The following SULT6B1 variants were observed in gnomAD, a reference collection of about 807,000 sequenced individuals.
SULT6B1 encodes the protein sulfotransferase family 6B member 1, also known as sulfotransferase 6B1.
Under a neutral mutation model 37.2 loss-of-function variants are expected in SULT6B1, and 44 were observed. The ratio of observed to expected loss-of-function variants is 1.18; its 90% confidence interval spans 0.93 to 1.52. SULT6B1 has a LOEUF of 1.52. Among genes scored for constraint, SULT6B1 ranks in the 40% most tolerant of loss-of-function variants. SULT6B1 has a pLI of 0.00. For synonymous variants in SULT6B1, 140 were observed against 126.0 expected (o/e 1.11, Z -0.74); for missense variants, 450 against 361.0 (o/e 1.25, Z -2.00).
chr2:37,185,476 G>C (rs1676651576), intron 2 of SULT6B1, among the ~76,000 whole-genome samples: 1 of 152,110 alleles, frequency 6.6e-6, no homozygotes, highest in South Asian at 2.1e-4. Context: ...CAGCACTTTG[G>C]GAGGCAGAGG....
Position 37,172,861 on chromosome 2 carries a change from T to C in SULT6B1, c.625-1271A>G, listed in dbSNP as rs187584572. 6.5e-4 allele frequency among the ~76,000 whole-genome samples: 98 copies of C among 150,692 alleles called. 1 individual carries two copies. The highest frequency in any genetic ancestry group is 3.0e-5 in the Non-Finnish European group (2 of 67,756). Reference sequence around the variant, plus strand: ...TTGTTTGTTTTTGGTTTTTCGTTTGTTTGTTTTTTGAGATGGAGTCTTGCT... The same window carrying C: ...TTGTTTGTTTTTGGTTTTTCGTTTGCTTGTTTTTTGAGATGGAGTCTTGCT... On this transcript the variant is annotated intron_variant, in intron 5 of 6. Transcript: ENST00000535679.
chr2:37,182,873 T>C (rs79933855), intron 3 of SULT6B1, among the ~76,000 whole-genome samples: 157 of 152,314 alleles, frequency 1.0e-3, no homozygotes, highest in African/African-American at 3.7e-3. Flanking sequence ...TGTTACTACA[T>C]GTGAAATTCA....
intron 6 of SULT6B1, among the ~76,000 whole-genome samples, chr2:37,170,752 A>AC (rs1185797683): frequency 2.0e-5 from 3 of 151,370 alleles, no homozygotes; most frequent in African/African-American, 7.3e-5. Flanking sequence ...AAAAAAAAAA[A>AC]AAAAAAAACT....
At chr2:37,182,901 G>A (rs1256190035) in intron 3 of SULT6B1, among the ~76,000 whole-genome samples, 2 of 152,164 alleles carry the variant, frequency 1.3e-5, no homozygotes, top group Admixed American at 1.3e-4. Context: ...AATAGTTTCA[G>A]CGAGGCATGG....
intron 2 of SULT6B1, among the ~76,000 whole-genome samples, chr2:37,184,195 G>A (rs1267392460): frequency 6.6e-6 from 1 of 152,130 alleles, no homozygotes; most frequent in African/African-American, 2.4e-5. Context: ...GTCTTTAACA[G>A]AAATAGTCAA....
At chr2:37,188,405 T>A in intron 1 of SULT6B1, 37 bp downstream of exon 1, 1 of 1,565,956 alleles carries the variant, frequency 6.4e-7, no homozygotes, top group Non-Finnish European at 8.8e-7. Context: ...CTACTCACTA[T>A]GAGAAGTGTA....
intron 6 of SULT6B1, among the ~76,000 whole-genome samples, chr2:37,170,982 T>C (rs1226785284): frequency 6.6e-6 from 1 of 151,878 alleles, no homozygotes; most frequent in Non-Finnish European, 1.5e-5. Context: ...CTCACGCCTG[T>C]AATCCCAGCA....
rs1292491983 is a variant in SULT6B1 at position 37,167,842 on chromosome 2, TATTATTTG to T, written c.*85_*92del. On this transcript the variant is annotated 3_prime_UTR_variant, in exon 7 of 7. Coordinates refer to ENST00000535679, the MANE Select transcript of SULT6B1 (RefSeq NM_001367551.1). ...TATTTAGATTTCAATATTGTTTAAT[TATTATTTG>T]ATTATTTGATTGAATTATCATTTAA... 15 of 1,104,184 alleles carry T rather than the reference TATTATTTG, an allele frequency of 1.4e-5. No homozygotes were observed. Among genetic ancestry groups the T allele is most frequent in the African/African-American group, 1.7e-5 (1 of 59,964 alleles). The allele number at this position is 1,104,184 out of a possible 1,614,324, so 68.4% of individuals were successfully genotyped here.
chr2:37,174,793 A>ATAACT (rs3054167), intron 5 of SULT6B1, among the ~76,000 whole-genome samples: 110,513 of 151,696 alleles, frequency 0.73, 40,569 homozygotes, highest in East Asian at 0.96. Context: ...TTTTTAAAAA[A>ATAACT]TGACTGGATA....
chr2:37,183,554 G>A, intron 2 of SULT6B1, 40 bp from the exon 3 acceptor site: 1 of 1,467,454 alleles, frequency 6.8e-7, no homozygotes. Flanking sequence ...GTGCACGTGT[G>A]TGCATGTGTG....
Position 37,171,560 on chromosome 2 carries a change from C to G in SULT6B1, c.655G>C (p.Glu219Gln), listed in dbSNP as rs200779216. Residue 219 changes from glutamate (E) to glutamine (Q), a missense_variant, in exon 6 of 7, where the codon GAG becomes CAG. Glu to Gln is a conservative substitution (Grantham distance 29). Transcript: ENST00000535679. ...NLAAGIKQIAEFLGFFLTGEQ... is the reference protein window; with the variant it reads ...NLAAGIKQIAQFLGFFLTGEQ... The stretch of plus-strand genomic sequence containing the variant: ...CCAGTTAGAAAGAATCCCAAGAACT[C>G]AGCAATCTGTTTTATTCCAGCAGCC... 2.5e-6 allele frequency: 4 copies of G among 1,613,846 alleles called. No individual in the cohort carries two copies. The highest frequency in any genetic ancestry group is 3.4e-6 in the Non-Finnish European group (4 of 1,179,952).
At chr2:37,188,407 A>G in intron 1 of SULT6B1, 35 bp downstream of exon 1, 3 of 1,571,254 alleles carry the variant, frequency 1.9e-6, no homozygotes, top group Non-Finnish European at 2.6e-6. Context: ...ACTCACTATG[A>G]GAAGTGTACT....
intron 2 of SULT6B1, 130 bp from the exon 3 acceptor site, chr2:37,183,644 C>T: frequency 1.5e-6 from 1 of 652,100 alleles, no homozygotes; most frequent in Non-Finnish European, 2.6e-6. Context: ...TCTCCTCCTC[C>T]TCCAATTTTT....
In SULT6B1 at chr2:37,183,449, C is replaced by T. The variant is rs752029965; in HGVS notation, c.378G>A (p.Gly126=). 6.8e-6 allele frequency: 11 copies of T among 1,613,892 alleles called. No individual in the cohort carries two copies. Among genetic ancestry groups the T allele is most frequent in the South Asian group, 2.2e-5 (2 of 91,080 alleles). ...ATHLHYDKLP[G]SIFENKAKIL... ...CCTTGGCTTTATTCTCGAAGATAGA[C>T]CCAGGTAATTTGTCATAGTGGAGGT... Residue 126 remains glycine (G), a synonymous_variant, in exon 3 of 7, where the codon GGG becomes GGA. Coordinates refer to ENST00000535679, the MANE Select transcript of SULT6B1 (RefSeq NM_001367551.1).
rs1225919087 is a variant in SULT6B1 at position 37,183,501 on chromosome 2, A to C, written c.326T>G (p.Phe109Cys). ...AGTTGCCAAAATCCTTGGTGATGGA[A>C]AGCCTTTCATTCTCTTAAAAATATA... Reference protein sequence around the residue: ...DSEKYQRMKGFPSPRILATHL... With the variant: ...DSEKYQRMKGCPSPRILATHL... The change falls in exon 3 of 7, where the codon TTT becomes TGT. Residue 109 changes from phenylalanine (F) to cysteine (C), a missense_variant. Coordinates refer to ENST00000535679, the MANE Select transcript of SULT6B1 (RefSeq NM_001367551.1). 1 of 1,613,866 alleles carries C rather than the reference A, an allele frequency of 6.2e-7. No homozygotes were observed. Among genetic ancestry groups the C allele is most frequent in the East Asian group, 2.2e-5 (1 of 44,882 alleles).
At chr2:37,171,002 G>C (rs2148284367) in intron 6 of SULT6B1, among the ~76,000 whole-genome samples, 1 of 152,298 alleles carries the variant, frequency 6.6e-6, no homozygotes, top group Admixed American at 6.5e-5. Context: ...ACTTCGGGAG[G>C]CCAAGGCGGG....
Position 37,175,298 on chromosome 2 carries a change from A to G in SULT6B1, c.530-72T>C. 6.2e-6 allele frequency: 5 copies of G among 811,772 alleles called. No homozygotes were observed. The East Asian group carries it at 1.1e-4, about 18-fold the overall frequency. The allele number at this position is 811,772 out of a possible 1,614,324, so 50.3% of individuals were successfully genotyped here. ...GTTAAAATGATCATTAATTTATGCT[A>G]TAAAATATAAACTATACATATGTGT... On this transcript the variant is annotated intron_variant, in intron 4 of 6. Coordinates refer to ENST00000535679, the MANE Select transcript of SULT6B1 (RefSeq NM_001367551.1).
upstream of SULT6B1, among the ~76,000 whole-genome samples, chr2:37,192,765 C>T (rs1676808700): frequency 6.6e-6 from 1 of 152,174 alleles, no homozygotes; most frequent in Non-Finnish European, 1.5e-5. Flanking sequence ...CTTAAAAAGA[C>T]AATGGGTTGG....
chr2:37,175,258 T>C lies in SULT6B1; in HGVS notation c.530-32A>G, dbSNP rs757063969. The C allele has an allele frequency of 7.4e-5, 96 of 1,302,740 alleles. 1 individual carries two copies. The highest frequency in any genetic ancestry group is 2.5e-4 in the Admixed American group (12 of 48,216). 80.7% of individuals were successfully genotyped at this position (1,302,740 alleles called of 1,614,324 possible). A position where few individuals can be genotyped will look rare whatever the true frequency, so the allele number is the denominator to read the frequency against. ...ACACAGGGGGGAAGACTTTAAGAAA[T>C]GTCAAATAACTGAGGTTAAAATGAT... On this transcript the variant is annotated intron_variant, in intron 4 of 6. Transcript: ENST00000535679.
Sources: allele counts gnomAD v4.1 joint callset (sites outside exome capture counted in the v4.1 genomes callset), GRCh38; gene constraint gnomAD v4.1.1; transcripts MANE v1.5; gene names NCBI Gene and HGNC (gene_info 2026-07-23, HGNC 2026-07-21).